Variants in AAK1 observed in about 807,000 individuals in gnomAD.
AAK1 encodes AP2 associated kinase 1, also known as AP2-associated protein kinase 1.
Under a neutral mutation model 116.0 loss-of-function variants are expected in AAK1, and 37 were observed. The observed-to-expected ratio is 0.32, with a 90% CI of 0.25 to 0.42. AAK1 has a LOEUF of 0.42. AAK1 is among the 10% of genes least tolerant of loss of function. AAK1 has a pLI of 1.00. For missense variants in AAK1, 919 were observed against 1,170.6 expected (o/e 0.79, Z 3.14); for synonymous variants, 458 against 439.9 (o/e 1.04, Z -0.51).
At position 69,471,100 on chromosome 2, in the gene AAK1, T is replaced by C. The variant is rs1674661722; in HGVS notation, c.*4769A>G. 1.0e-6 allele frequency: 1 copy of C among 985,844 alleles called. No individual in the cohort carries two copies. Among genetic ancestry groups the C allele is most frequent in the Non-Finnish European group, 1.2e-6 (1 of 829,940 alleles). The allele number at this position is 985,844 out of a possible 1,614,324, so 61.1% of individuals were successfully genotyped here. ...TTGGGAAGGACGCGTTAAAGACCTATGATAAACACACATCCACATGACAAA... is the reference window on the plus strand; with the variant it reads ...TTGGGAAGGACGCGTTAAAGACCTACGATAAACACACATCCACATGACAAA... On this transcript the variant is annotated 3_prime_UTR_variant, in exon 22 of 22. Coordinates refer to ENST00000409085, the MANE Select transcript of AAK1 (RefSeq NM_014911.5).
rs891460261 is a variant in AAK1, at chr2:69,465,615, T to C, written c.*10254A>G. 1 of 1,290,834 alleles carries C rather than the reference T, an allele frequency of 7.7e-7. No individual in the cohort carries two copies. Among genetic ancestry groups the C allele is most frequent in the Non-Finnish European group, 1.0e-6 (1 of 988,884 alleles). The allele number at this position is 1,290,834 out of a possible 1,614,324, so 80.0% of individuals were successfully genotyped here. ...TGGACTTGGCTCGTCTTCTGGGCTA[T>C]AGTGACGGGAATACTTGGATAAGGA... is the stretch of plus-strand genomic sequence containing the variant. On this transcript the variant is annotated 3_prime_UTR_variant, in exon 22 of 22. Coordinates refer to ENST00000409085, the MANE Select transcript of AAK1 (RefSeq NM_014911.5).
intron 5 of AAK1, among the ~76,000 whole-genome samples, chr2:69,535,189 T>C (rs529110988): frequency 3.5e-4 from 54 of 152,340 alleles, no homozygotes; most frequent in African/African-American, 1.2e-3. Context: ...AATGTACATC[T>C]AGAAAAGCTG....
chr2:69,474,342 TG>T lies in AAK1; in HGVS notation c.*1526del. 1.0e-6 allele frequency: 1 copy of T among 985,600 alleles called. No homozygotes were observed. Among genetic ancestry groups the T allele is most frequent in the African/African-American group, 1.7e-5 (1 of 57,246 alleles). The allele number at this position is 985,600 out of a possible 1,614,324, so 61.1% of individuals were successfully genotyped here. Reference sequence around the variant, plus strand: ...TGGCACTAGAGGAAAAGAACAGGAGTGGGGTTCTCTGTGCCCACTTCTTTTC... The same window carrying T: ...TGGCACTAGAGGAAAAGAACAGGAGTGGGTTCTCTGTGCCCACTTCTTTTC... On this transcript the variant is annotated 3_prime_UTR_variant, in exon 22 of 22. Transcript: ENST00000409085.
At chr2:69,518,874 G>A in intron 12 of AAK1, 80 bp downstream of exon 12, 1 of 1,454,478 alleles carries the variant, frequency 6.9e-7, no homozygotes, top group Non-Finnish European at 9.1e-7. Context: ...TGGCTCTCTG[G>A]GAAGACACCT....
intron 3 of AAK1, among the ~76,000 whole-genome samples, chr2:69,554,069 T>A (rs114429633): frequency 0.044 from 6,574 of 149,110 alleles, 502 homozygotes; most frequent in African/African-American, 0.15. Context: ...TGAGACCCCA[T>A]CTCAAAAGAG....
chr2:69,595,561 G>T (rs1481977722), intron 2 of AAK1, among the ~76,000 whole-genome samples: 1 of 152,218 alleles, frequency 6.6e-6, no homozygotes, highest in Non-Finnish European at 1.5e-5. Context: ...TTCTATGAAG[G>T]CTGGGGAGGT....
At chr2:69,568,318 C>T (rs924201633) in intron 2 of AAK1, among the ~76,000 whole-genome samples, 6 of 151,786 alleles carry the variant, frequency 4.0e-5, no homozygotes, top group Middle Eastern at 3.2e-3. Flanking sequence ...GTAGAAAGAT[C>T]GGGTTAAGTA....
intron 2 of AAK1, among the ~76,000 whole-genome samples, chr2:69,629,926 G>C (rs1402925426): frequency 6.6e-6 from 1 of 152,200 alleles, no homozygotes; most frequent in African/African-American, 2.4e-5. Context: ...TCCAGAGGCA[G>C]CTGTGGTGAA....
rs1463293835 is a variant in AAK1, at chr2:69,467,938, A to T, written c.*7931T>A. On this transcript the variant is annotated 3_prime_UTR_variant, in exon 22 of 22. Transcript: ENST00000409085. The stretch of plus-strand genomic sequence containing the variant: ...TAACTTTTTAGCAGTGCTTCTTTTT[A>T]AACAGTTCTGACCTTAAATATTGTT... The T allele has an allele frequency of 3.0e-6, 3 of 985,294 alleles. No individual in the cohort carries two copies. The African/African-American group carries it at 5.2e-5, about 17-fold the overall frequency. The allele number at this position is 985,294 out of a possible 1,614,324, so 61.0% of individuals were successfully genotyped here.
chr2:69,507,383 A>C, intron 15 of AAK1, 38 bp downstream of exon 15: 1 of 1,598,758 alleles, frequency 6.3e-7, no homozygotes, highest in Non-Finnish European at 8.5e-7. Context: ...CAGAGAATCT[A>C]TAATCAAGAA....
At chr2:69,528,294 C>T (rs1670103397) in intron 8 of AAK1, among the ~76,000 whole-genome samples, 1 of 152,076 alleles carries the variant, frequency 6.6e-6, no homozygotes. Context: ...ACTGTGAGAC[C>T]ATTGGCAAGC....
intron 13 of AAK1, 75 bp from the exon 14 acceptor site, chr2:69,509,535 T>TAAC (rs926958405): frequency 1.1e-5 from 14 of 1,274,448 alleles, no homozygotes; most frequent in Middle Eastern, 2.0e-4. Context: ...CAGATAAGTG[T>TAAC]AACAACAACA....
chr2:69,505,530 A>G, intron 16 of AAK1, 39 bp downstream of exon 16: 1 of 1,561,282 alleles, frequency 6.4e-7, no homozygotes, highest in Non-Finnish European at 8.8e-7. Flanking sequence ...TGAAGGTAAC[A>G]ACAGTGAACC....
At position 69,474,634 on chromosome 2, in the gene AAK1, A is replaced by G. The variant is rs1674787160; in HGVS notation, c.*1235T>C. 1.0e-6 allele frequency: 1 copy of G among 985,568 alleles called. No individual in the cohort carries two copies. Among genetic ancestry groups the G allele is most frequent in the African/African-American group, 1.7e-5 (1 of 57,246 alleles). The allele number at this position is 985,568 out of a possible 1,614,324, so 61.1% of individuals were successfully genotyped here. ...CATCAGAAAGAAAGGTAAGCTGGGC[A>G]CACCCAGATTGTGTCCAGCTTGTCA... On this transcript the variant is annotated 3_prime_UTR_variant, in exon 22 of 22. Transcript: ENST00000409085.
chr2:69,630,949 A>G (rs1675148146), intron 2 of AAK1, among the ~76,000 whole-genome samples: 1 of 152,238 alleles, frequency 6.6e-6, no homozygotes, highest in African/African-American at 2.4e-5. Flanking sequence ...TAAAAACAGC[A>G]GAGAACAAAG....
chr2:69,618,503 G>A (rs1331784938), intron 2 of AAK1, among the ~76,000 whole-genome samples: 3 of 152,094 alleles, frequency 2.0e-5, no homozygotes, highest in Non-Finnish European at 2.9e-5. Context: ...GTAGCTTAGC[G>A]CAGGAGGTCA....
intron 1 of AAK1, 51 bp downstream of exon 1, chr2:69,643,524 C>G: frequency 8.2e-7 from 1 of 1,226,034 alleles, no homozygotes; most frequent in Non-Finnish European, 1.0e-6. Flanking sequence ...GCCTCCCGCT[C>G]CTCCCGGGTC....
chr2:69,543,883 T>G (rs1376008015), intron 4 of AAK1, among the ~76,000 whole-genome samples: 2 of 152,238 alleles, frequency 1.3e-5, no homozygotes, highest in African/African-American at 4.8e-5. Context: ...ATAAATGTTT[T>G]TTTGAAACTT....
chr2:69,610,859 A>T (rs1329012200), intron 2 of AAK1, among the ~76,000 whole-genome samples: 1 of 152,246 alleles, frequency 6.6e-6, no homozygotes, highest in Non-Finnish European at 1.5e-5. Context: ...AAGAAAAAAC[A>T]GCAGAAAATA....
Sources: allele counts gnomAD v4.1 joint callset (sites outside exome capture counted in the v4.1 genomes callset), GRCh38; gene constraint gnomAD v4.1.1; transcripts MANE v1.5; gene names NCBI Gene and HGNC (gene_info 2026-07-23, HGNC 2026-07-21).